UNC80: variants seen among roughly 807,000 people sequenced by gnomAD.
UNC80 encodes protein unc-80 homolog.
Under a neutral mutation model 384.6 loss-of-function variants are expected in UNC80, and 164 were observed. The ratio of observed to expected loss-of-function variants is 0.43; its 90% confidence interval spans 0.38 to 0.49. The LOEUF is 0.49. Among genes scored for constraint, UNC80 ranks in the 20% least tolerant of loss-of-function variants. The pLI is 0.00. For synonymous variants in UNC80, 1,486 were observed against 1,527.8 expected, an observed-to-expected ratio of 0.97 and a Z score of 0.64; for missense variants, 3,330 against 4,143.0, an observed-to-expected ratio of 0.80 and a Z score of 5.39.
intron 39 of UNC80, among the ~76,000 whole-genome samples, chr2:209,935,480 A>G (rs1272102089): frequency 6.6e-6 from 1 of 152,082 alleles, no homozygotes; most frequent in Non-Finnish European, 1.5e-5. Context: ...ATTTTTTAAA[A>G]GTATTGGGAA....
chr2:209,774,363 C>G, intron 2 of UNC80, among the ~76,000 whole-genome samples: 1 of 152,172 alleles, frequency 6.6e-6, no homozygotes, highest in South Asian at 2.1e-4. Context: ...CTTAACCATG[C>G]TGACAATTAT....
At chr2:209,778,177 T>G (rs896741217) in intron 4 of UNC80, among the ~76,000 whole-genome samples, 1 of 152,042 alleles carries the variant, frequency 6.6e-6, no homozygotes, top group African/African-American at 2.4e-5. Flanking sequence ...CAGAGGCAGG[T>G]GAATCACTTG....
chr2:209,952,836 T>C (rs1471870329), intron 47 of UNC80, among the ~76,000 whole-genome samples: 1 of 152,142 alleles, frequency 6.6e-6, no homozygotes, highest in Non-Finnish European at 1.5e-5. Context: ...CTTTTTCAAG[T>C]TGCCAAAAAA....
chr2:209,833,707 A>G (rs750471992), intron 16 of UNC80, among the ~76,000 whole-genome samples: 1 of 152,218 alleles, frequency 6.6e-6, no homozygotes, highest in Non-Finnish European at 1.5e-5. Flanking sequence ...TGGGCATCCA[A>G]TAGTTTAAAA....
At chr2:209,895,773 A>G (rs914321659) in intron 27 of UNC80, among the ~76,000 whole-genome samples, 3 of 152,202 alleles carry the variant, frequency 2.0e-5, no homozygotes, top group Admixed American at 1.3e-4. Context: ...AGGAGTTTGG[A>G]CACAAGGGCT....
chr2:209,776,975 A>G (rs2076900687), intron 3 of UNC80, among the ~76,000 whole-genome samples: 1 of 152,154 alleles, frequency 6.6e-6, no homozygotes, highest in African/African-American at 2.4e-5. Context: ...GATTGCTTTT[A>G]TCTTCAGAGT....
At chr2:209,798,408 T>A (rs188672281) in intron 7 of UNC80, among the ~76,000 whole-genome samples, 2 of 152,360 alleles carry the variant, frequency 1.3e-5, no homozygotes, top group East Asian at 3.9e-4. Context: ...CACCATTTAC[T>A]GAATAGGAGA....
intron 1 of UNC80, among the ~76,000 whole-genome samples, chr2:209,772,483 C>T (rs1000264649): frequency 4.6e-5 from 7 of 152,052 alleles, no homozygotes; most frequent in African/African-American, 7.2e-5. Flanking sequence ...TGGTTGTGCT[C>T]CTGCGTCCAA....
At chr2:209,787,944 T>C (rs887787501) in intron 5 of UNC80, among the ~76,000 whole-genome samples, 2 of 152,164 alleles carry the variant, frequency 1.3e-5, no homozygotes, top group Non-Finnish European at 2.9e-5. Context: ...GACAATTCCA[T>C]GTGTGTTATT....
At chr2:209,838,635 A>T (rs180913971) in intron 18 of UNC80, among the ~76,000 whole-genome samples, 170 of 152,284 alleles carry the variant, frequency 1.1e-3, no homozygotes, top group Non-Finnish European at 2.0e-3. Context: ...AATGAGGAAC[A>T]GTGCTGCACA....
At chr2:209,802,194 A>C (rs1351790126) in intron 7 of UNC80, among the ~76,000 whole-genome samples, 4 of 152,154 alleles carry the variant, frequency 2.6e-5, no homozygotes, top group African/African-American at 9.7e-5. Flanking sequence ...AAGGGTATAA[A>C]ATTTCAGTTA....
intron 7 of UNC80, among the ~76,000 whole-genome samples, chr2:209,812,216 A>ATTT (rs796729702): frequency 7.3e-6 from 1 of 137,602 alleles, no homozygotes; most frequent in Non-Finnish European, 1.6e-5. Flanking sequence ...AGAGCGGCTA[A>ATTT]TTTTTTTTTT....
At chr2:209,924,411 T>C (rs1286308467) in intron 35 of UNC80, among the ~76,000 whole-genome samples, 1 of 152,212 alleles carries the variant, frequency 6.6e-6, no homozygotes, top group East Asian at 1.9e-4. Flanking sequence ...AGAGATTTTC[T>C]TAAGTGCCTT....
At chr2:209,870,575 A>T (rs12329134) in intron 22 of UNC80, among the ~76,000 whole-genome samples, 26,841 of 152,020 alleles carry the variant, frequency 0.18, 3,321 homozygotes, top group African/African-American at 0.35. Flanking sequence ...AAGGATAGAT[A>T]CTCACTATTA....
At chr2:209,932,702 C>T (rs748723920) in intron 38 of UNC80, among the ~76,000 whole-genome samples, 6 of 152,172 alleles carry the variant, frequency 3.9e-5, no homozygotes, top group Non-Finnish European at 7.3e-5. Flanking sequence ...CCATCTCAAC[C>T]ATTATTCTAG....
At chr2:209,878,797 T>C (rs2085008498) in intron 24 of UNC80, among the ~76,000 whole-genome samples, 1 of 152,230 alleles carries the variant, frequency 6.6e-6, no homozygotes, top group African/African-American at 2.4e-5. Flanking sequence ...GTTATAGTTA[T>C]GGAATTCGTA....
chr2:209,943,574 A>G, intron 45 of UNC80, 60 bp downstream of exon 45: 1 of 1,538,976 alleles, frequency 6.5e-7, no homozygotes, highest in Admixed American at 2.0e-5. Flanking sequence ...AGCAAAGGTT[A>G]TTTATTAGAG....
chr2:209,877,848 G>A (rs755855633), intron 23 of UNC80, 106 bp from the exon 24 acceptor site: 19 of 1,278,444 alleles, frequency 1.5e-5, no homozygotes, highest in Non-Finnish European at 1.9e-5. Flanking sequence ...GGCTTATGCT[G>A]GAAATAATTC....
chr2:209,929,251 C>A (rs1451175399), intron 36 of UNC80, among the ~76,000 whole-genome samples: 1 of 152,166 alleles, frequency 6.6e-6, no homozygotes, highest in African/African-American at 2.4e-5. Flanking sequence ...TACCCACTTG[C>A]TTTCTTAGTC....
Sources: gnomAD v4.1 joint callset for allele counts (sites outside exome capture counted in the v4.1 genomes callset) on GRCh38, gnomAD v4.1.1 for gene constraint, MANE v1.5 for transcripts, NCBI Gene and HGNC (gene_info 2026-07-23, HGNC 2026-07-21) for gene names.